The following XKR9 variants were observed in gnomAD, a reference collection of about 807,000 sequenced individuals.
XKR9 encodes XK related 9, also known as XK-related protein 9.
A neutral mutation model predicts 32.0 loss-of-function variants in XKR9; 32 were observed. The observed-to-expected ratio is 1.00, with a 90% CI of 0.76 to 1.34. The LOEUF is 1.34. Ranked by LOEUF, XKR9 falls within the 40% of genes most tolerant of loss-of-function variation. The pLI is 0.00. For missense variants in XKR9, 546 were observed against 429.7 expected (o/e 1.27, Z -2.39); for synonymous variants, 168 against 143.4 (o/e 1.17, Z -1.22).
intron 2 of XKR9, among the ~76,000 whole-genome samples, chr8:70,756,595 C>G (rs1452343181): frequency 1.3e-5 from 2 of 152,098 alleles, no homozygotes; most frequent in Admixed American, 6.5e-5. Context: ...AAATTTATTA[C>G]TAAGTGTTAT....
chr8:70,885,504 T>C, the XKR9 span, among the ~76,000 whole-genome samples: 1 of 152,032 alleles, frequency 6.6e-6, no homozygotes, highest in African/African-American at 2.4e-5. Flanking sequence ...CACCTATCAA[T>C]CTGTCATCTA....
chr8:70,717,536 C>T (rs1365153674), intron 4 of XKR9, among the ~76,000 whole-genome samples: 1 of 152,180 alleles, frequency 6.6e-6, no homozygotes, highest in African/African-American at 2.4e-5. Flanking sequence ...ACATTGGCCC[C>T]TTTTAGCCAT....
At chr8:71,052,180 C>T in the XKR9 span, among the ~76,000 whole-genome samples, 2 of 152,160 alleles carry the variant, frequency 1.3e-5, no homozygotes, top group Admixed American at 6.5e-5. Flanking sequence ...AGAGATTGCC[C>T]AATGAATGCA....
intron 2 of XKR9, among the ~76,000 whole-genome samples, chr8:70,679,426 C>T (rs939812833): frequency 2.0e-5 from 3 of 152,156 alleles, no homozygotes; most frequent in African/African-American, 7.2e-5. Flanking sequence ...CCATTATTCT[C>T]TCCACATTTT....
At chr8:70,725,569 A>G (rs1041656028) in intron 4 of XKR9, among the ~76,000 whole-genome samples, 3 of 152,152 alleles carry the variant, frequency 2.0e-5, no homozygotes, top group African/African-American at 7.2e-5. Flanking sequence ...TATACTCTGT[A>G]GAACTTTTTG....
chr8:70,960,871 T>TAAG, the XKR9 span, among the ~76,000 whole-genome samples: 2 of 124,062 alleles, frequency 1.6e-5, no homozygotes, highest in South Asian at 4.8e-4. Context: ...GACCCTGTCT[T>TAAG]AAGAAAAAAA....
the XKR9 span, among the ~76,000 whole-genome samples, chr8:70,992,796 T>C: frequency 6.6e-5 from 10 of 152,206 alleles, no homozygotes; most frequent in Admixed American, 6.5e-4. Context: ...GGCTGAGGTG[T>C]ACCCACAGCA....
At chr8:71,014,827 G>T in the XKR9 span, among the ~76,000 whole-genome samples, 3 of 152,012 alleles carry the variant, frequency 2.0e-5, no homozygotes, top group Non-Finnish European at 4.4e-5. Flanking sequence ...ATGGTTCAGG[G>T]GCATTACTGG....
At chr8:70,732,339 G>A (rs1349484206) in intron 4 of XKR9, among the ~76,000 whole-genome samples, 5 of 152,338 alleles carry the variant, frequency 3.3e-5, no homozygotes, top group East Asian at 1.9e-4. Flanking sequence ...CTACAGTTAC[G>A]GGATGTCTCA....
the XKR9 span, among the ~76,000 whole-genome samples, chr8:70,842,314 C>T: frequency 6.6e-6 from 1 of 152,126 alleles, no homozygotes; most frequent in South Asian, 2.1e-4. Context: ...ACAATTTTTA[C>T]CATTTGGCAC....
chr8:70,938,306 A>G, the XKR9 span, among the ~76,000 whole-genome samples: 2 of 151,792 alleles, frequency 1.3e-5, no homozygotes, highest in African/African-American at 4.8e-5. Context: ...AGTCATACTT[A>G]GTGCTCGAGA....
the XKR9 span, among the ~76,000 whole-genome samples, chr8:70,810,854 C>T: frequency 1.3e-5 from 2 of 152,138 alleles, no homozygotes; most frequent in Admixed American, 6.5e-5. Flanking sequence ...GACTTTAACA[C>T]CCCACTGTCA....
the XKR9 span, among the ~76,000 whole-genome samples, chr8:70,921,088 G>T: frequency 6.6e-6 from 1 of 152,176 alleles, no homozygotes; most frequent in Non-Finnish European, 1.5e-5. Flanking sequence ...CTTAATAAAT[G>T]CAAGTCCTAA....
At chr8:70,815,719 A>G in the XKR9 span, among the ~76,000 whole-genome samples, 61,083 of 151,352 alleles carry the variant, frequency 0.4, 13,838 homozygotes, top group Non-Finnish European at 0.52. Context: ...TAGAGACGGG[A>G]TTTCACCGTG....
At chr8:70,702,546 A>G (rs7842091) in intron 3 of XKR9, among the ~76,000 whole-genome samples, 50,090 of 151,920 alleles carry the variant, frequency 0.33, 9,417 homozygotes, top group Non-Finnish European at 0.43. Flanking sequence ...GAGAATGCGG[A>G]TTTATCTTTT....
At chr8:70,704,767 C>T (rs1239050960) in intron 3 of XKR9, among the ~76,000 whole-genome samples, 11 of 152,170 alleles carry the variant, frequency 7.2e-5, no homozygotes, top group African/African-American at 2.7e-4. Flanking sequence ...ACAGGAATCA[C>T]ATACTCTCTA....
intron 2 of XKR9, among the ~76,000 whole-genome samples, chr8:70,749,721 A>G (rs1807111032): frequency 1.3e-5 from 2 of 152,194 alleles, no homozygotes; most frequent in South Asian, 4.1e-4. Context: ...GGGTGGAACG[A>G]ACCCAGCAGG....
At chr8:70,800,300 A>G in the XKR9 span, among the ~76,000 whole-genome samples, 3 of 152,156 alleles carry the variant, frequency 2.0e-5, no homozygotes, top group Admixed American at 6.5e-5. Flanking sequence ...AATATTCATC[A>G]AGGATATTAG....
At chr8:70,710,137 C>T (rs1244546997) in intron 4 of XKR9, among the ~76,000 whole-genome samples, 2 of 152,098 alleles carry the variant, frequency 1.3e-5, no homozygotes, top group South Asian at 2.1e-4. Flanking sequence ...AATAAAGCCT[C>T]ATACCTACAA....
Sources: gnomAD v4.1 joint callset for allele counts (sites outside exome capture counted in the v4.1 genomes callset) on GRCh38, gnomAD v4.1.1 for gene constraint, MANE v1.5 for transcripts, NCBI Gene and HGNC (gene_info 2026-07-23, HGNC 2026-07-21) for gene names.